Variants in SKI observed in about 807,000 individuals in gnomAD.
SKI encodes SKI proto-oncogene.
Under a neutral mutation model 59.3 loss-of-function variants are expected in SKI, and 23 were observed. The observed-to-expected ratio is 0.39, with a 90% CI of 0.28 to 0.55. SKI has a LOEUF of 0.55. Among genes scored for constraint, SKI ranks in the 20% least tolerant of loss-of-function variants. The pLI is 0.67. For synonymous variants in SKI, 673 were observed against 488.6 expected (o/e 1.38, Z -4.98); for missense variants, 1,017 against 1,038.9 (o/e 0.98, Z 0.29).
chr1:2,304,455 G>A lies in SKI; in HGVS notation c.1637G>A (p.Arg546Gln), dbSNP rs748681103. 59 of 1,566,796 alleles carry A rather than the reference G, an allele frequency of 3.8e-5. No individual in the cohort carries two copies. The highest frequency in any genetic ancestry group is 1.7e-4 in the Middle Eastern group (1 of 6,034). Residue 546 changes from arginine (R) to glutamine (Q), a missense_variant, in exon 5 of 7, where the codon CGG (arginine) becomes CAG (glutamine). By Grantham distance (43) the Arg-to-Gln change is conservative (BLOSUM62 1). Transcript: ENST00000378536. ...SGLEAELEHL[R>Q]QALEGGLDTK... ...CTGGAGGCGGAGCTGGAGCACCTGC[G>A]GCAGGCACTGGAGGGCGGCCTGGAC...
rs1424862872 is a variant in SKI at position 2,240,729 on chromosome 1, G to A, written c.969+10994G>A. 9.1e-6 allele frequency: 9 copies of A among 985,332 alleles called. No individual in the cohort carries two copies. In the East Asian group the frequency reaches 4.5e-4, roughly 50 times the overall value. 61.0% of individuals were successfully genotyped at this position (985,332 alleles called of 1,614,324 possible). A position where few individuals can be genotyped will look rare whatever the true frequency, so the allele number is the denominator to read the frequency against. Reference sequence around the variant, plus strand: ...GTTCTAGATCCAGGAGAGCGGTGGCGCAGACACGGACTTCACCCTTGGTGG... The same window carrying A: ...GTTCTAGATCCAGGAGAGCGGTGGCACAGACACGGACTTCACCCTTGGTGG... On this transcript the variant is annotated intron_variant, in intron 1 of 6. Transcript: ENST00000378536.
In SKI at chr1:2,229,799, A is replaced by G. The variant is rs774060547; in HGVS notation, c.969+64A>G. The stretch of plus-strand genomic sequence containing the variant: ...TTGGGGTGGGGGCCCCTTCTGGACT[A>G]CAGGCTCTGGTCTCCGAAGGCTGGG... On this transcript the variant is annotated intron_variant, in intron 1 of 6. Transcript: ENST00000378536. The surrounding 1 kb of genome is among the most constrained non-coding windows in gnomAD (Gnocchi z 6.3). The G allele has an allele frequency of 1.6e-4, 241 of 1,548,322 alleles. No homozygotes were observed. The highest frequency in any genetic ancestry group is 2.0e-4 in the Non-Finnish European group (231 of 1,146,324).
chr1:2,255,066 A>T (rs897130953), intron 1 of SKI, among the ~76,000 whole-genome samples: 2 of 151,896 alleles, frequency 1.3e-5, no homozygotes, highest in Admixed American at 1.3e-4. Flanking sequence ...CGGTCACCCT[A>T]CCATGCGGCC....
chr1:2,298,430 T>C (rs1640341766), intron 1 of SKI, among the ~76,000 whole-genome samples: 1 of 152,154 alleles, frequency 6.6e-6, no homozygotes, highest in African/African-American at 2.4e-5. Flanking sequence ...GGTCCCCGGC[T>C]CCTGGATTGG....
chr1:2,240,068 C>G (rs1256929113), intron 1 of SKI, among the ~76,000 whole-genome samples: 1 of 152,212 alleles, frequency 6.6e-6, no homozygotes, highest in Non-Finnish European at 1.5e-5. Context: ...GAAGGAGGAC[C>G]TGTTTTCTCT....
Position 2,307,757 on chromosome 1 carries a change from C to T in SKI, c.*992C>T, listed in dbSNP as rs750417261. The T allele has an allele frequency of 7.9e-5, 12 of 152,698 alleles. No individual in the cohort carries two copies. The highest frequency in any genetic ancestry group is 2.0e-4 in the Admixed American group (3 of 15,302). The allele number at this position is 152,698 out of a possible 1,614,324, so 9.5% of individuals were successfully genotyped here. On this transcript the variant is annotated 3_prime_UTR_variant, in exon 7 of 7. Transcript: ENST00000378536. ...AACTGCACTTTGTCCACAACCTTCC[C>T]TTCTCTTTCTATTCCCCAGTGAACT...
intron 1 of SKI, among the ~76,000 whole-genome samples, chr1:2,258,458 T>C (rs1048701797): frequency 3.0e-4 from 44 of 147,242 alleles, no homozygotes; most frequent in African/African-American, 1.2e-3. Context: ...TTGAAACTTG[T>C]CAGTCAGGAA....
Position 2,303,280 on chromosome 1 carries a change from G to C in SKI, c.1096-5G>C. 1 of 1,613,078 alleles carries C rather than the reference G, an allele frequency of 6.2e-7. No homozygotes were observed. Among genetic ancestry groups the C allele is most frequent in the South Asian group, 1.1e-5 (1 of 91,068 alleles). ...TCACTCACACAGACAACTCTTTCTC[G>C]ACAGAGCCTGGGCTGTGTTCACCCT... On this transcript the variant is annotated splice_polypyrimidine_tract_variant and splice_region_variant and intron_variant, in intron 2 of 6. Transcript: ENST00000378536. This position sits in a 1 kb window ranked among gnomAD's most constrained non-coding sequence, Gnocchi z 5.6.
At chr1:2,278,645 C>G (rs1187870350) in intron 1 of SKI, among the ~76,000 whole-genome samples, 1 of 151,544 alleles carries the variant, frequency 6.6e-6, no homozygotes, top group East Asian at 1.9e-4. Context: ...AGGGTGGGGT[C>G]TCTCTGGGGC....
rs1239910742 is a variant in SKI, at chr1:2,303,448, A to G, written c.1211+48A>G. On this transcript the variant is annotated intron_variant, in intron 3 of 6. Coordinates refer to ENST00000378536, the MANE Select transcript of SKI (RefSeq NM_003036.4). The surrounding 1 kb of genome is among the most constrained non-coding windows in gnomAD (Gnocchi z 5.6). ...TGTTTCTGATCACGGGGGAGGCTCC[A>G]CGAGGGCTGTGCATGCGGACGCGCC... 1 of 1,528,550 alleles carries G rather than the reference A, an allele frequency of 6.5e-7. No individual in the cohort carries two copies. Among genetic ancestry groups the G allele is most frequent in the South Asian group, 1.1e-5 (1 of 89,564 alleles). 94.7% of individuals were successfully genotyped at this position (1,528,550 alleles called of 1,614,324 possible).
chr1:2,307,567 C>T lies in SKI; in HGVS notation c.*802C>T, dbSNP rs916906199. 3 of 152,544 alleles carry T rather than the reference C, an allele frequency of 2.0e-5. No individual in the cohort carries two copies. Among genetic ancestry groups the T allele is most frequent in the South Asian group, 2.1e-4 (1 of 4,830 alleles). The allele number at this position is 152,544 out of a possible 1,614,324, so 9.4% of individuals were successfully genotyped here. A position where few individuals can be genotyped will look rare whatever the true frequency, so the allele number is the denominator to read the frequency against. On this transcript the variant is annotated 3_prime_UTR_variant, in exon 7 of 7. Transcript: ENST00000378536. ...TGGTGACCGTGGCTGGCGGTCACGC[C>T]CTCAGCCCCTCCGGGCACACGTGCC...
intron 1 of SKI, among the ~76,000 whole-genome samples, chr1:2,231,615 C>T (rs1418438731): frequency 1.3e-5 from 2 of 152,244 alleles, no homozygotes; most frequent in Non-Finnish European, 2.9e-5. Flanking sequence ...AAGTCCCCAG[C>T]ACTGCTCTGA....
intron 1 of SKI, among the ~76,000 whole-genome samples, chr1:2,245,814 T>TTTTTTA (rs71266538): frequency 1.4e-5 from 2 of 142,510 alleles, no homozygotes; most frequent in Admixed American, 7.0e-5. Flanking sequence ...TTTTTTTTTT[T>TTTTTTA]GAGGCAGGGT....
At chr1:2,293,975 A>G (rs1640227795) in intron 1 of SKI, among the ~76,000 whole-genome samples, 1 of 152,140 alleles carries the variant, frequency 6.6e-6, no homozygotes, top group Non-Finnish European at 1.5e-5. Flanking sequence ...TGGGCTTTTC[A>G]TTCTCCTTTC....
intron 1 of SKI, among the ~76,000 whole-genome samples, chr1:2,285,305 G>A (rs959604095): frequency 6.6e-6 from 1 of 152,122 alleles, no homozygotes; most frequent in African/African-American, 2.4e-5. Flanking sequence ...CTGAGGTCAG[G>A]AGTTCAAGAC....
chr1:2,256,204 G>A (rs373994658), intron 1 of SKI, among the ~76,000 whole-genome samples: 1 of 149,572 alleles, frequency 6.7e-6, no homozygotes, highest in Non-Finnish European at 1.5e-5. Flanking sequence ...CTCATTTCCT[G>A]TCTGGAGCAC....
intron 1 of SKI, among the ~76,000 whole-genome samples, chr1:2,273,138 G>A (rs984325755): frequency 3.3e-5 from 5 of 152,234 alleles, no homozygotes; most frequent in African/African-American, 4.8e-5. Flanking sequence ...CCAAGGGGGT[G>A]TTTTCGGCCG....
Position 2,229,802 on chromosome 1 carries a change from G to C in SKI, c.969+67G>C. On this transcript the variant is annotated intron_variant, in intron 1 of 6. Transcript: ENST00000378536. This position sits in a 1 kb window ranked among gnomAD's most constrained non-coding sequence, Gnocchi z 6.3. ...GGGTGGGGGCCCCTTCTGGACTACA[G>C]GCTCTGGTCTCCGAAGGCTGGGACC... 6.5e-7 allele frequency: 1 copy of C among 1,548,228 alleles called. No homozygotes were observed. The highest frequency in any genetic ancestry group is 8.7e-7 in the Non-Finnish European group (1 of 1,146,118).
chr1:2,231,716 C>G (rs868432220), intron 1 of SKI, among the ~76,000 whole-genome samples: 1 of 152,248 alleles, frequency 6.6e-6, no homozygotes, highest in Admixed American at 6.5e-5. Flanking sequence ...TGAGTGGCAG[C>G]CACACAGCCT....
Sources: gnomAD v4.1 joint callset for allele counts (sites outside exome capture counted in the v4.1 genomes callset) on GRCh38, gnomAD v4.1.1 for gene constraint, Gnocchi (gnomAD v3.1) non-coding constraint, MANE v1.5 for transcripts, NCBI Gene and HGNC (gene_info 2026-07-23, HGNC 2026-07-21) for gene names.